NEURL2: variants seen among roughly 807,000 people sequenced by gnomAD.
NEURL2 encodes neuralized-like protein 2.
A neutral mutation model predicts 15.9 loss-of-function variants in NEURL2; 16 were observed. The ratio of observed to expected loss-of-function variants is 1.01; its 90% CI spans 0.68 to 1.53. The LOEUF (loss-of-function observed/expected upper bound fraction) is 1.53. Ranked by LOEUF, NEURL2 falls within the 40% of genes most tolerant of loss-of-function variation. The pLI, the probability that NEURL2 is intolerant of heterozygous loss-of-function variation, is 0.00. For synonymous variants in NEURL2, 188 were observed against 178.3 expected (o/e 1.05, Z -0.43); for missense variants, 393 against 407.8 (o/e 0.96, Z 0.31).
chr20:45,890,311 G>T lies in NEURL2; in HGVS notation c.681C>A (p.Tyr227Ter). The change falls in exon 1 of 2, where the codon TAC becomes TAA. Residue 227 changes from tyrosine to a stop codon, truncating the protein, a stop_gained. Transcript: ENST00000372518. LOFTEE classifies it high-confidence loss of function. ...ARGLPAAQPLYAVVDVFASTK... is the reference protein window; with the variant it reads ...ARGLPAAQPL ...TGGAAGCAAACACGTCCACCACCGC[G>T]TAGAGGGGCTGCGCAGCTGGCAGTC... is the stretch of plus-strand genomic sequence containing the variant. The T allele has an allele frequency of 6.2e-7, 1 of 1,613,402 alleles. No homozygotes were observed. Among genetic ancestry groups the T allele is most frequent in the Non-Finnish European group, 8.5e-7 (1 of 1,180,042 alleles).
chr20:45,890,063 G>C (rs976321817), intron 1 of NEURL2, 187 bp downstream of exon 1: 6 of 625,224 alleles, frequency 9.6e-6, no homozygotes, highest in African/African-American at 1.8e-5. Context: ...AACCAAGATA[G>C]GTACCAAGGC....
Position 45,891,045 on chromosome 20 carries a change from C to T in NEURL2, c.-54G>A. The T allele has an allele frequency of 6.9e-7, 1 of 1,442,518 alleles. No homozygotes were observed. Among genetic ancestry groups the T allele is most frequent in the Non-Finnish European group, 9.1e-7 (1 of 1,095,846 alleles). The allele number at this position is 1,442,518 out of a possible 1,614,324, so 89.4% of individuals were successfully genotyped here. A position where few individuals can be genotyped will look rare whatever the true frequency, so the allele number is the denominator to read the frequency against. ...GCCGGGGGCTATTTTGGGCGGCGGG[C>T]AATGATGGTGACCGCAAGGCGACCT... On this transcript the variant is annotated 5_prime_UTR_variant, in exon 1 of 2. Transcript: ENST00000372518. This position sits in a 1 kb window ranked among gnomAD's most constrained non-coding sequence, Gnocchi z 4.6.
chr20:45,890,622 G>C lies in NEURL2; in HGVS notation c.370C>G (p.Arg124Gly). 1.2e-6 allele frequency: 2 copies of C among 1,612,974 alleles called. No homozygotes were observed. Among genetic ancestry groups the C allele is most frequent in the Non-Finnish European group, 8.5e-7 (1 of 1,179,614 alleles). Residue 124 changes from arginine (R) to glycine (G), a missense_variant, in exon 1 of 2, where the codon CGG becomes GGG. Arg to Gly is a moderately radical substitution (Grantham distance 125). Coordinates refer to ENST00000372518, the MANE Select transcript of NEURL2 (RefSeq NM_080749.4). ...GCCTCCGCCTCCGGGCGGCCCTCCC[G>C]GGGCACGCGGTTGTGGTGGCGCGTG... is the stretch of plus-strand genomic sequence containing the variant. ...AITRHHNRVPREGRPEAEAAA... is the reference protein window; with the variant it reads ...AITRHHNRVPGEGRPEAEAAA...
rs1480381625 is a variant in NEURL2, at chr20:45,890,516, A to G, written c.476T>C (p.Leu159Pro). 4 of 1,601,060 alleles carry G rather than the reference A, an allele frequency of 2.5e-6. No individual in the cohort carries two copies. The East Asian group carries it at 8.9e-5, about 36-fold the overall frequency. The change falls in exon 1 of 2, where the codon CTG becomes CCG. Residue 159 changes from leucine to proline, a missense_variant. Leu to Pro is a moderately conservative substitution (Grantham distance 98, BLOSUM62 -3). Transcript: ENST00000372518. ...GAGCCCTGGCCGGCTGCGGCCCACC[A>G]GGCGGTCCCGGGGAATGCGAAACTG... ...IEQFRIPRDRLVGRSRPGLYS... is the reference protein window; with the variant it reads ...IEQFRIPRDRPVGRSRPGLYS...
Position 45,890,417 on chromosome 20 carries a change from A to G in NEURL2, c.575T>C (p.Val192Ala). 4 of 1,611,788 alleles carry G rather than the reference A, an allele frequency of 2.5e-6. No homozygotes were observed. Among genetic ancestry groups the G allele is most frequent in the South Asian group, 1.1e-5 (1 of 91,002 alleles). Residue 192 changes from valine to alanine, a missense_variant, in exon 1 of 2, where the codon GTC becomes GCC. Transcript: ENST00000372518. Reference protein sequence around the residue: ...PPTARRSRLGVLFCPRPDGTA... With the variant: ...PPTARRSRLGALFCPRPDGTA... Reference sequence around the variant, plus strand: ...GCCATCGGGGCGCGGGCAAAAGAGGACACCCAGGCGGCTACGGCGCGCGGT... The same window carrying G: ...GCCATCGGGGCGCGGGCAAAAGAGGGCACCCAGGCGGCTACGGCGCGCGGT...
Position 45,888,841 on chromosome 20 carries a change from T to C in NEURL2, c.775A>G (p.Ile259Val). ...AGCCGGTGCACCATGCTCCTTTGTA[T>C]CACTAGGCGGCACAGAGTCTGCAGG... ...PSLQTLCRLV[I>V]QRSMVHRLAI... The change falls in exon 2 of 2, where the codon ATA becomes GTA. Residue 259 changes from isoleucine (I) to valine (V), a missense_variant. By Grantham distance (29) the Ile-to-Val change is conservative (BLOSUM62 3). Transcript: ENST00000372518. 6 of 1,614,062 alleles carry C rather than the reference T, an allele frequency of 3.7e-6. No homozygotes were observed. Among genetic ancestry groups the C allele is most frequent in the Non-Finnish European group, 5.1e-6 (6 of 1,179,984 alleles).
In NEURL2 at chr20:45,890,585, C is replaced by CT. The variant is rs201802475; in HGVS notation, c.406dup (p.Ser136LysfsTer15). ...TTCCACGAGGAGGGTTGGAGGTCGG[C>CT]TGGGGGCCGCTGCCTCCGCCTCCGG... On this transcript the variant is annotated frameshift_variant, in exon 1 of 2. Transcript: ENST00000372518. LOFTEE classifies it high-confidence loss of function. The CT allele has an allele frequency of 6.4e-3, 10,266 of 1,612,316 alleles. 41 individuals are homozygous for CT. Among genetic ancestry groups the CT allele is most frequent in the Non-Finnish European group, 7.8e-3 (9,187 of 1,179,362 alleles).
rs1986798609 is a variant in NEURL2 at position 45,891,059 on chromosome 20, G to T, written c.-68C>A. ...TGGGCGGCGGGCAATGATGGTGACC[G>T]CAAGGCGACCTTGTAAGGCATTTCC... On this transcript the variant is annotated 5_prime_UTR_variant, in exon 1 of 2. Transcript: ENST00000372518. The surrounding 1 kb of genome is among the most constrained non-coding windows in gnomAD (Gnocchi z 4.6). 1 of 1,408,770 alleles carries T rather than the reference G, an allele frequency of 7.1e-7. No homozygotes were observed. Among genetic ancestry groups the T allele is most frequent in the Non-Finnish European group, 9.4e-7 (1 of 1,066,718 alleles). 87.3% of individuals were successfully genotyped at this position (1,408,770 alleles called of 1,614,324 possible).
rs967553598 is a variant in NEURL2 at position 45,888,843 on chromosome 20, A to G, written c.773T>C (p.Val258Ala). The change falls in exon 2 of 2, where the codon GTG becomes GCG. Residue 258 changes from valine (V) to alanine (A), a missense_variant. By Grantham distance (64) the Val-to-Ala change is moderately conservative. Coordinates refer to ENST00000372518, the MANE Select transcript of NEURL2 (RefSeq NM_080749.4). ...LPSLQTLCRL[V>A]IQRSMVHRLA... ...CCGGTGCACCATGCTCCTTTGTATC[A>G]CTAGGCGGCACAGAGTCTGCAGGGA... The G allele has an allele frequency of 1.9e-6, 3 of 1,613,994 alleles. No individual in the cohort carries two copies. The highest frequency in any genetic ancestry group is 2.5e-6 in the Non-Finnish European group (3 of 1,179,842).
chr20:45,890,981 G>A lies in NEURL2; in HGVS notation c.11C>T (p.Ala4Val). 6.7e-7 allele frequency: 1 copy of A among 1,490,178 alleles called. No homozygotes were observed. Among genetic ancestry groups the A allele is most frequent in the Non-Finnish European group, 8.9e-7 (1 of 1,119,868 alleles). 92.3% of individuals were successfully genotyped at this position (1,490,178 alleles called of 1,614,324 possible). Reference sequence around the variant, plus strand: ...TGCACCCGAATCCACGGGCTCGGAGGCAGCAGCCATCTCTCGGCCATAGGG... The same window carrying A: ...TGCACCCGAATCCACGGGCTCGGAGACAGCAGCCATCTCTCGGCCATAGGG... MAA[A>V]SEPVDSGALW... is the part of the protein sequence containing the mutation. Residue 4 changes from alanine (A) to valine (V), a missense_variant, in exon 1 of 2, where the codon GCC (alanine) becomes GTC (valine). Ala to Val is a moderately conservative substitution (Grantham distance 64). Coordinates refer to ENST00000372518, the MANE Select transcript of NEURL2 (RefSeq NM_080749.4).
chr20:45,889,289 G>T (rs940412976), intron 1 of NEURL2, among the ~76,000 whole-genome samples: 1 of 152,134 alleles, frequency 6.6e-6, no homozygotes, highest in African/African-American at 2.4e-5. Context: ...CTCAGTCTGG[G>T]GTTTGTTATG....
At position 45,890,444 on chromosome 20, in the gene NEURL2, G is replaced by A; in HGVS notation, c.548C>T (p.Pro183Leu). The change falls in exon 1 of 2, where the codon CCG becomes CTG. Residue 183 changes from proline (P) to leucine (L), a missense_variant. Coordinates refer to ENST00000372518, the MANE Select transcript of NEURL2 (RefSeq NM_080749.4). Reference sequence around the variant, plus strand: ...ACCCAGGCGGCTACGGCGCGCGGTCGGAGGCAGCACGTTCAGCTCATAGAG... The same window carrying A: ...ACCCAGGCGGCTACGGCGCGCGGTCAGAGGCAGCACGTTCAGCTCATAGAG... ...DQLYELNVLP[P>L]TARRSRLGVL... 1 of 1,608,704 alleles carries A rather than the reference G, an allele frequency of 6.2e-7. No homozygotes were observed. The highest frequency in any genetic ancestry group is 8.5e-7 in the Non-Finnish European group (1 of 1,177,530).
Position 45,891,073 on chromosome 20 carries a change from TA to T in NEURL2, c.-83del, listed in dbSNP as rs1381302651. 5.1e-6 allele frequency: 7 copies of T among 1,363,644 alleles called. No individual in the cohort carries two copies. The highest frequency in any genetic ancestry group is 4.9e-6 in the Non-Finnish European group (5 of 1,026,340). The allele number at this position is 1,363,644 out of a possible 1,614,324, so 84.5% of individuals were successfully genotyped here. The stretch of plus-strand genomic sequence containing the variant: ...TGATGGTGACCGCAAGGCGACCTTG[TA>T]AGGCATTTCCCCCCTGACTCCCTTC... On this transcript the variant is annotated 5_prime_UTR_variant, in exon 1 of 2. Transcript: ENST00000372518. This position sits in a 1 kb window ranked among gnomAD's most constrained non-coding sequence, Gnocchi z 4.6.
intron 1 of NEURL2, among the ~76,000 whole-genome samples, chr20:45,889,421 C>T (rs1348025170): frequency 6.6e-6 from 1 of 151,530 alleles, no homozygotes; most frequent in Non-Finnish European, 1.5e-5. Context: ...GTGCAGTGCT[C>T]AGTGAACTGC....
intron 1 of NEURL2, 53 bp downstream of exon 1, chr20:45,890,197 A>G: frequency 6.2e-7 from 1 of 1,606,446 alleles, no homozygotes; most frequent in Non-Finnish European, 8.5e-7. Context: ...GAGCCCTAGT[A>G]GATTCCAGTC....
Position 45,890,493 on chromosome 20 carries a change from G to T in NEURL2, c.499C>A (p.Leu167Ile). 6.3e-7 allele frequency: 1 copy of T among 1,598,426 alleles called. No homozygotes were observed. The highest frequency in any genetic ancestry group is 1.7e-4 in the Middle Eastern group (1 of 5,980). Residue 167 changes from leucine to isoleucine, a missense_variant, in exon 1 of 2, where the codon CTC becomes ATC. Physicochemically the swap from Leu to Ile is conservative, Grantham distance 5. Transcript: ENST00000372518. ...AGCTGGTCCAAGAGATGGCTGTAGA[G>T]CCCTGGCCGGCTGCGGCCCACCAGG... ...DRLVGRSRPG[L>I]YSHLLDQLYE...
At chr20:45,889,424 T>C (rs1986634121) in intron 1 of NEURL2, among the ~76,000 whole-genome samples, 1 of 151,940 alleles carries the variant, frequency 6.6e-6, no homozygotes, top group Non-Finnish European at 1.5e-5. Context: ...CAGTGCTCAG[T>C]GAACTGCAGC....
In NEURL2 at chr20:45,890,753, T is replaced by C. The variant is rs780622243; in HGVS notation, c.239A>G (p.His80Arg). Residue 80 changes from histidine (H) to arginine (R), a missense_variant, in exon 1 of 2, where the codon CAT (histidine) becomes CGT (arginine). By Grantham distance (29) the His-to-Arg change is conservative. Transcript: ENST00000372518. ...IEEKELGWCG[H>R]LRLGLTALDP... ...CAGCGCGGTCAGACCGAGACGCAGATGTCCGCACCAGCCCAGCTCTTTCTC... is the reference window on the plus strand; with the variant it reads ...CAGCGCGGTCAGACCGAGACGCAGACGTCCGCACCAGCCCAGCTCTTTCTC... 2 of 1,612,778 alleles carry C rather than the reference T, an allele frequency of 1.2e-6. No homozygotes were observed. The highest frequency in any genetic ancestry group is 1.7e-5 in the Admixed American group (1 of 59,966).
rs1601131827 is a variant in NEURL2, at chr20:45,888,690, A to C, written c.*68T>G. 1 of 1,533,556 alleles carries C rather than the reference A, an allele frequency of 6.5e-7. No homozygotes were observed. The highest frequency in any genetic ancestry group is 1.4e-5 in the African/African-American group (1 of 73,416). 95.0% of individuals were successfully genotyped at this position (1,533,556 alleles called of 1,614,324 possible). A position where few individuals can be genotyped will look rare whatever the true frequency, so the allele number is the denominator to read the frequency against. Reference sequence around the variant, plus strand: ...GTCTTGGCTGGCAGCAATGTGGCCAACTTCGGACCAGCCAGCCACAGGTCT... The same window carrying C: ...GTCTTGGCTGGCAGCAATGTGGCCACCTTCGGACCAGCCAGCCACAGGTCT... On this transcript the variant is annotated 3_prime_UTR_variant, in exon 2 of 2. Coordinates refer to ENST00000372518, the MANE Select transcript of NEURL2 (RefSeq NM_080749.4).
Sources: gnomAD v4.1 joint callset for allele counts (sites outside exome capture counted in the v4.1 genomes callset) on GRCh38, gnomAD v4.1.1 for gene constraint, Gnocchi (gnomAD v3.1) non-coding constraint, MANE v1.5 for transcripts, NCBI Gene and HGNC (gene_info 2026-07-23, HGNC 2026-07-21) for gene names.